PDE1C: variants seen among roughly 807,000 people sequenced by gnomAD.
PDE1C encodes the protein dual specificity calcium/calmodulin-dependent 3',5'-cyclic nucleotide phosphodiesterase 1C.
A neutral mutation model predicts 93.1 loss-of-function variants in PDE1C; 62 were observed. The ratio of observed to expected loss-of-function variants is 0.67; its 90% CI spans 0.54 to 0.82. The LOEUF (loss-of-function observed/expected upper bound fraction) is 0.82, where lower values mean the gene tolerates loss of function less well. Ranked by LOEUF, PDE1C falls within the 40% of genes least tolerant of loss-of-function variation. PDE1C has a pLI of 0.00. For missense variants in PDE1C, 742 were observed against 884.6 expected (o/e 0.84, Z 2.04); for synonymous variants, 325 against 310.1 (o/e 1.05, Z -0.50).
At chr7:32,336,091 GA>G in intron 1 of PDE1C, among the ~76,000 whole-genome samples, 1 of 152,160 alleles carries the variant, frequency 6.6e-6, no homozygotes, top group Non-Finnish European at 1.5e-5. Flanking sequence ...CAGTTCAGCC[GA>G]TAACAAGTTC....
At position 32,401,545 on chromosome 7, in the gene PDE1C, A is replaced by G. The variant is rs936703162; in HGVS notation, c.310+26277T>C. Reference sequence around the variant, plus strand: ...GAGCAAGACTCCATCTCAAAAAAAAAAAAGAAAGAAAGAAAGAAAAAAAAT... The same window carrying G: ...GAGCAAGACTCCATCTCAAAAAAAAGAAAGAAAGAAAGAAAGAAAAAAAAT... On this transcript the variant is annotated intron_variant, in intron 1 of 1. Transcript: ENST00000672256. Among the ~76,000 whole-genome samples the G allele has an allele frequency of 2.6e-5, 4 of 152,186 alleles. No homozygotes were observed. In the East Asian group the frequency reaches 5.8e-4, roughly 22 times the overall value.
intron 2 of PDE1C, among the ~76,000 whole-genome samples, chr7:31,892,510 T>A (rs944980294): frequency 6.6e-6 from 1 of 152,212 alleles, no homozygotes; most frequent in Non-Finnish European, 1.5e-5. Context: ...ACGATTTGCA[T>A]CTTCCCTCTC....
intron 3 of PDE1C, among the ~76,000 whole-genome samples, chr7:32,096,820 A>AAGATAGGT (rs1797772213): frequency 6.9e-6 from 1 of 144,482 alleles, no homozygotes; most frequent in South Asian, 2.3e-4. Context: ...AGGGGATAGA[A>AAGATAGGT]AGATAGATAG....
intron 2 of PDE1C, among the ~76,000 whole-genome samples, chr7:31,942,099 T>C (rs1805932280): frequency 6.6e-6 from 1 of 152,160 alleles, no homozygotes; most frequent in Admixed American, 6.6e-5. Flanking sequence ...GTTTTCTTTT[T>C]TCATTCGCCT....
intron 1 of PDE1C, among the ~76,000 whole-genome samples, chr7:32,257,039 T>C (rs113594025): frequency 3.3e-5 from 5 of 152,210 alleles, no homozygotes; most frequent in East Asian, 1.9e-4. Flanking sequence ...GCCCAGCATA[T>C]TTCATGCATC....
chr7:32,095,631 T>C (rs1022727552), intron 3 of PDE1C, among the ~76,000 whole-genome samples: 4 of 152,224 alleles, frequency 2.6e-5, no homozygotes, highest in Non-Finnish European at 4.4e-5. Flanking sequence ...GTGTGGCTTT[T>C]CTTCATCCTT....
chr7:32,253,137 TAGAA>T (rs1216525533), intron 1 of PDE1C, among the ~76,000 whole-genome samples: 9 of 152,186 alleles, frequency 5.9e-5, no homozygotes, highest in South Asian at 2.1e-4. Context: ...TCATGTATCT[TAGAA>T]AGAACAATAT....
At chr7:32,389,207 T>TTTGC (rs1784705973) in intron 1 of PDE1C, among the ~76,000 whole-genome samples, 1 of 96,618 alleles carries the variant, frequency 1.0e-5, no homozygotes. Context: ...TTGGTTTTTG[T>TTTGC]TTGTTTGTTT....
chr7:31,978,844 T>C (rs949045498), intron 2 of PDE1C, among the ~76,000 whole-genome samples: 13 of 152,186 alleles, frequency 8.5e-5, no homozygotes, highest in Non-Finnish European at 1.6e-4. Flanking sequence ...GGGGAGCCAA[T>C]GGTCTCAGAC....
intron 1 of PDE1C, among the ~76,000 whole-genome samples, chr7:32,265,777 A>C (rs1189899498): frequency 6.6e-6 from 1 of 152,200 alleles, no homozygotes; most frequent in Admixed American, 6.5e-5. Context: ...AGCTGTCAGA[A>C]ATGAAGAACA....
chr7:31,919,165 G>T (rs1802303033), intron 2 of PDE1C, among the ~76,000 whole-genome samples: 1 of 152,156 alleles, frequency 6.6e-6, no homozygotes, highest in African/African-American at 2.4e-5. Context: ...GTTGAGCCAT[G>T]GTGCCAGGGC....
At chr7:31,978,953 G>C (rs1812029305) in intron 2 of PDE1C, among the ~76,000 whole-genome samples, 1 of 152,050 alleles carries the variant, frequency 6.6e-6, no homozygotes, top group Non-Finnish European at 1.5e-5. Context: ...AATTCCTCTT[G>C]AAATATATGT....
At chr7:31,868,861 A>T (rs1383570948) in intron 6 of PDE1C, among the ~76,000 whole-genome samples, 1 of 152,044 alleles carries the variant, frequency 6.6e-6, no homozygotes, top group Non-Finnish European at 1.5e-5. Context: ...GAAACCCTAC[A>T]GGCAAAAAGA....
chr7:32,366,101 T>C (rs1784224600), intron 1 of PDE1C, among the ~76,000 whole-genome samples: 1 of 151,858 alleles, frequency 6.6e-6, no homozygotes, highest in Admixed American at 6.6e-5. Flanking sequence ...ACATACAAAA[T>C]GCCAGAAGAA....
chr7:31,803,234 G>T (rs1786296708), intron 16 of PDE1C, among the ~76,000 whole-genome samples: 1 of 151,608 alleles, frequency 6.6e-6, no homozygotes. Context: ...AGATATTGTA[G>T]TTTTCATATT....
chr7:31,778,323 C>G (rs1783156887), intron 16 of PDE1C, among the ~76,000 whole-genome samples: 1 of 152,170 alleles, frequency 6.6e-6, no homozygotes, highest in Non-Finnish European at 1.5e-5. Flanking sequence ...ATGTTGTGAT[C>G]CAGAGCCGTT....
intron 2 of PDE1C, among the ~76,000 whole-genome samples, chr7:32,190,386 G>A (rs1226719167): frequency 6.6e-6 from 1 of 152,162 alleles, no homozygotes; most frequent in African/African-American, 2.4e-5. Context: ...CACCTCCTTG[G>A]TCTACCTGCC....
At chr7:31,662,883 A>T in the PDE1C span, among the ~76,000 whole-genome samples, 2 of 152,150 alleles carry the variant, frequency 1.3e-5, no homozygotes, top group Non-Finnish European at 2.9e-5. Context: ...ATCCATATTT[A>T]TACCAAAACA....
chr7:32,263,350 G>GGTGT (rs1810348556), intron 1 of PDE1C, among the ~76,000 whole-genome samples: 1 of 151,304 alleles, frequency 6.6e-6, no homozygotes, highest in African/African-American at 2.4e-5. Context: ...TACATGTGCG[G>GGTGT]GTGTGTGTGT....
Sources: allele counts gnomAD v4.1 joint callset (sites outside exome capture counted in the v4.1 genomes callset), GRCh38; gene constraint gnomAD v4.1.1; transcripts MANE v1.5; gene names NCBI Gene and HGNC (gene_info 2026-07-23, HGNC 2026-07-21).